Variants in RERG observed in about 807,000 individuals in gnomAD.
RERG encodes ras-related and estrogen-regulated growth inhibitor.
A neutral mutation model predicts 23.2 loss-of-function variants in RERG; 25 were observed. The observed-to-expected ratio is 1.08, with a 90% CI of 0.79 to 1.50. RERG has a LOEUF of 1.50. RERG is among the 40% of genes most tolerant of loss of function. The pLI, the probability that RERG is intolerant of heterozygous loss-of-function variation, is 0.00. For synonymous variants in RERG, 81 were observed against 89.1 expected, an observed-to-expected ratio of 0.91 and a Z score of 0.51; for missense variants, 253 against 250.1, an observed-to-expected ratio of 1.01 and a Z score of -0.08.
chr12:15,189,805 A>G (rs1591663871), intron 2 of RERG, among the ~76,000 whole-genome samples: 1 of 152,200 alleles, frequency 6.6e-6, no homozygotes, highest in South Asian at 2.1e-4. Flanking sequence ...TGGAGGGCTC[A>G]CTGAATCTGT....
At chr12:15,200,830 G>A (rs1184327333) in intron 2 of RERG, among the ~76,000 whole-genome samples, 2 of 151,766 alleles carry the variant, frequency 1.3e-5, no homozygotes, top group African/African-American at 2.4e-5. Context: ...TTGCTTCTGG[G>A]GCTATGCCAG....
At chr12:15,149,903 G>C (rs11056372) in intron 2 of RERG, among the ~76,000 whole-genome samples, 10 of 152,254 alleles carry the variant, frequency 6.6e-5, no homozygotes, top group Admixed American at 6.5e-4. Flanking sequence ...ATTACTAATC[G>C]ATCATGTCAT....
chr12:15,206,988 T>C (rs897466419), intron 2 of RERG, among the ~76,000 whole-genome samples: 1 of 152,082 alleles, frequency 6.6e-6, no homozygotes. Context: ...CTCACCTTTG[T>C]TATGGCAAAT....
At chr12:15,177,845 T>A (rs1364640519) in intron 2 of RERG, among the ~76,000 whole-genome samples, 5 of 150,780 alleles carry the variant, frequency 3.3e-5, no homozygotes, top group Non-Finnish European at 7.4e-5. Context: ...GTTTGTTTTT[T>A]TTTTTTTTTT....
Position 15,212,041 on chromosome 12 carries a change from ACT to A in RERG, c.61+5386_61+5387del, listed in dbSNP as rs1491365783. On this transcript the variant is annotated intron_variant, in intron 2 of 4. Coordinates refer to ENST00000256953, the MANE Select transcript of RERG (RefSeq NM_032918.3). The stretch of plus-strand genomic sequence containing the variant: ...TATGTGATATTAGAGCCACGAATAA[ACT>A]TTTTTTTTTTTTTTTTTTTTTTTTT... Among the ~76,000 whole-genome samples, 433 of 92,554 alleles carry A rather than the reference ACT, an allele frequency of 4.7e-3. 4 individuals carry two copies. Among genetic ancestry groups the A allele is most frequent in the African/African-American group, 0.015 (410 of 27,460 alleles). 60.7% of individuals were successfully genotyped at this position (92,554 alleles called of 152,430 possible).
At chr12:15,167,372 A>G (rs1347535959) in intron 2 of RERG, among the ~76,000 whole-genome samples, 1 of 152,186 alleles carries the variant, frequency 6.6e-6, no homozygotes, top group Non-Finnish European at 1.5e-5. Flanking sequence ...CTTCTGGAGA[A>G]GTGGTTCTCA....
chr12:15,214,564 A>G (rs187679804), intron 2 of RERG, among the ~76,000 whole-genome samples: 2 of 152,392 alleles, frequency 1.3e-5, no homozygotes, highest in East Asian at 1.9e-4. Flanking sequence ...TATAAGACTG[A>G]TAAAGTCTCT....
At chr12:15,142,647 T>C (rs571678961) in intron 2 of RERG, among the ~76,000 whole-genome samples, 1 of 152,272 alleles carries the variant, frequency 6.6e-6, no homozygotes, top group Non-Finnish European at 1.5e-5. Flanking sequence ...CTTTTGATTT[T>C]TCTAGCATTT....
intron 2 of RERG, chr12:15,137,729 T>C: frequency 2.9e-6 from 1 of 341,948 alleles, no homozygotes; most frequent in Non-Finnish European, 5.7e-6. Context: ...ATTCAACTTA[T>C]ACATGAGCAA....
At chr12:15,161,226 G>GAAAGAAAGAAAGAAAGAAAGAAAC (rs1565524246) in intron 2 of RERG, among the ~76,000 whole-genome samples, 7 of 123,554 alleles carry the variant, frequency 5.7e-5, no homozygotes, top group Middle Eastern at 3.8e-3. Context: ...AAGAAAGAAA[G>GAAAGAAAGAAAGAAAGAAAGAAAC]AAACAGGGGC....
intron 2 of RERG, among the ~76,000 whole-genome samples, chr12:15,146,584 G>A (rs1228121825): frequency 1.3e-5 from 2 of 152,218 alleles, no homozygotes; most frequent in African/African-American, 4.8e-5. Flanking sequence ...AGCTAGTCAT[G>A]CTGCCCTATT....
intron 2 of RERG, chr12:15,138,145 C>T (rs1381536184): frequency 4.9e-6 from 1 of 202,584 alleles, no homozygotes; most frequent in African/African-American, 2.3e-5. Context: ...ATATACCTGG[C>T]TGTCATTCTT....
chr12:15,157,556 G>A (rs983186895), intron 2 of RERG, among the ~76,000 whole-genome samples: 1 of 152,180 alleles, frequency 6.6e-6, no homozygotes, highest in Admixed American at 6.5e-5. Flanking sequence ...TAACTTACCA[G>A]AGTGTCCCAT....
At chr12:15,161,315 T>A (rs1443400242) in intron 2 of RERG, among the ~76,000 whole-genome samples, 1 of 152,136 alleles carries the variant, frequency 6.6e-6, no homozygotes, top group Admixed American at 6.5e-5. Context: ...AATCTGTACA[T>A]ATGGACCATC....
At chr12:15,178,395 A>C (rs1476018402) in intron 2 of RERG, among the ~76,000 whole-genome samples, 2 of 152,176 alleles carry the variant, frequency 1.3e-5, no homozygotes, top group African/African-American at 2.4e-5. Context: ...AATGAGCTTG[A>C]TCTACACTAT....
intron 2 of RERG, among the ~76,000 whole-genome samples, chr12:15,177,946 C>G (rs1055655996): frequency 9.3e-5 from 14 of 150,684 alleles, no homozygotes; most frequent in Non-Finnish European, 1.9e-4. Flanking sequence ...AGGCACAGAG[C>G]ACACAGAAAT....
At chr12:15,111,686 CT>C (rs11296760) in intron 3 of RERG, among the ~76,000 whole-genome samples, 64,821 of 127,722 alleles carry the variant, frequency 0.51, 14,548 homozygotes, top group African/African-American at 0.59. Flanking sequence ...CTATACTTTC[CT>C]TTTTTTTTTT....
At chr12:15,139,893 A>G (rs1051164685) in intron 2 of RERG, among the ~76,000 whole-genome samples, 4 of 152,116 alleles carry the variant, frequency 2.6e-5, no homozygotes, top group Non-Finnish European at 4.4e-5. Context: ...CTTGTTTATG[A>G]CCTTACTAGG....
intron 2 of RERG, among the ~76,000 whole-genome samples, chr12:15,203,914 A>G (rs1327270889): frequency 6.6e-6 from 1 of 151,666 alleles, no homozygotes; most frequent in East Asian, 1.9e-4. Context: ...GATGAAAGAC[A>G]TTAAGGAATC....
Sources: allele counts gnomAD v4.1 joint callset (sites outside exome capture counted in the v4.1 genomes callset), GRCh38; gene constraint gnomAD v4.1.1; transcripts MANE v1.5; gene names NCBI Gene and HGNC (gene_info 2026-07-23, HGNC 2026-07-21).